The following PAX6 variants were observed in gnomAD, a reference collection of about 807,000 sequenced individuals.
PAX6 encodes paired box protein Pax-6.
In PAX6, 7 loss-of-function variants were observed where a neutral mutation model predicts 60.7. The ratio of observed to expected loss-of-function variants is 0.12; its 90% CI spans 0.07 to 0.22. The LOEUF (loss-of-function observed/expected upper bound fraction) is 0.22, where lower values mean the gene tolerates loss of function less well. Ranked by LOEUF, PAX6 falls within the 10% of genes least tolerant of loss-of-function variation. PAX6 has a pLI of 1.00. For synonymous variants in PAX6, 208 were observed against 201.2 expected (o/e 1.03, Z -0.29); for missense variants, 355 against 555.2 (o/e 0.64, Z 3.62).
chr11:31,798,026 G>A (rs1952214911), intron 8 of PAX6, among the ~76,000 whole-genome samples: 1 of 152,018 alleles, frequency 6.6e-6, no homozygotes, highest in Admixed American at 6.6e-5. Flanking sequence ...GAGTTGCTGG[G>A]AAATAAAATC....
At chr11:31,806,542 G>T (rs1184907753) in intron 3 of PAX6, 80 bp from the exon 4 acceptor site, 8 of 1,075,664 alleles carry the variant, frequency 7.4e-6, no homozygotes, top group Middle Eastern at 2.0e-4. Flanking sequence ...TGGACCTGGG[G>T]CTAGGACAGG....
At chr11:31,793,006 TA>T (rs1950376685) in intron 12 of PAX6, 2 of 512,670 alleles carry the variant, frequency 3.9e-6, no homozygotes, top group East Asian at 6.6e-5. Flanking sequence ...ATACCCAAAG[TA>T]ATGCCCCAAA....
chr11:31,802,585 T>C (rs1010587130), intron 5 of PAX6, 119 bp downstream of exon 5: 4 of 902,738 alleles, frequency 4.4e-6, no homozygotes, highest in Non-Finnish European at 6.0e-6. Flanking sequence ...GACTGGGGAC[T>C]GGGGTGGGTG....
chr11:31,801,274 T>C (rs1714862358), intron 7 of PAX6: 2 of 1,394,248 alleles, frequency 1.4e-6, no homozygotes, highest in Non-Finnish European at 1.9e-6. Flanking sequence ...AGTTACAATC[T>C]GGTTCTCATT....
In PAX6 at chr11:31,789,800, G is replaced by A; in HGVS notation, c.*134C>T. 1.2e-6 allele frequency: 1 copy of A among 806,136 alleles called. No homozygotes were observed. The highest frequency in any genetic ancestry group is 2.1e-6 in the Non-Finnish European group (1 of 470,156). 49.9% of individuals were successfully genotyped at this position (806,136 alleles called of 1,614,324 possible). On this transcript the variant is annotated 3_prime_UTR_variant, in exon 14 of 14. Transcript: ENST00000640368. Reference sequence around the variant, plus strand: ...ATTCCTTCCCCAGTGGTACAATACAGGACACAATTGTAGAACTGAAGCGGC... The same window carrying A: ...ATTCCTTCCCCAGTGGTACAATACAAGACACAATTGTAGAACTGAAGCGGC...
At chr11:31,802,438 A>AT (rs920012549) in intron 5 of PAX6, 67 of 467,318 alleles carry the variant, frequency 1.4e-4, no homozygotes, top group Middle Eastern at 1.1e-3. Context: ...AAAGAGAAAG[A>AT]TTTTTTTAAA....
chr11:31,806,228 GC>G lies in PAX6; in HGVS notation c.10+173del, dbSNP rs1955759074. ...CAGTATCGAGAAGAGCCAAGCAAAC[GC>G]CCTCCCCTCCCGGGCTGCCGGGCGC... On this transcript the variant is annotated intron_variant, in intron 4 of 13. Coordinates refer to ENST00000640368, the MANE Select transcript of PAX6 (RefSeq NM_001368894.2). 9.9e-6 allele frequency: 6 copies of G among 605,362 alleles called. No homozygotes were observed. The South Asian group carries it at 1.2e-4, about 12-fold the overall frequency. The allele number at this position is 605,362 out of a possible 1,614,324, so 37.5% of individuals were successfully genotyped here. A position where few individuals can be genotyped will look rare whatever the true frequency, so the allele number is the denominator to read the frequency against.
At chr11:31,813,645 T>C (rs544213392), upstream of PAX6, among the ~76,000 whole-genome samples, 420 of 152,148 alleles carry the variant, frequency 2.8e-3, no homozygotes, top group Non-Finnish European at 4.5e-3. Context: ...TGAATGCCAC[T>C]GACGTCATTG....
intron 2 of PAX6, 148 bp downstream of exon 2, chr11:31,810,680 C>T: frequency 2.5e-6 from 1 of 397,008 alleles, no homozygotes; most frequent in Non-Finnish European, 4.4e-6. Flanking sequence ...AGTTTGGGCT[C>T]CTGCGTGGAA....
At chr11:31,796,533 G>C (rs955055948) in intron 8 of PAX6, among the ~76,000 whole-genome samples, 4 of 148,630 alleles carry the variant, frequency 2.7e-5, no homozygotes, top group Admixed American at 6.7e-5. Context: ...AGAGTGGACG[G>C]GGACCAGGGC....
At position 31,794,778 on chromosome 11, in the gene PAX6, C is replaced by T. The variant is rs1249042142; in HGVS notation, c.576G>A (p.Gln192=). The change falls in exon 9 of 14, where the codon CAG becomes CAA. Residue 192 remains glutamine (Q), a synonymous_variant. Coordinates refer to ENST00000640368, the MANE Select transcript of PAX6 (RefSeq NM_001368894.2). Reference sequence around the variant, plus strand: ...TATTCTCTCCCCCTCCTTCCTGTTGCTGGCAGCCATCTGGAACAAAAAGAA... The same window carrying T: ...TATTCTCTCCCCCTCCTTCCTGTTGTTGGCAGCCATCTGGAACAAAAAGAA... ...VPGQPTQDGC[Q]QQEGGGENTN... is the part of the protein sequence containing the mutation. 6.2e-7 allele frequency: 1 copy of T among 1,614,014 alleles called. No individual in the cohort carries two copies. Among genetic ancestry groups the T allele is most frequent in the Non-Finnish European group, 8.5e-7 (1 of 1,180,014 alleles).
At chr11:31,801,354 A>G (rs1953779543) in intron 7 of PAX6, 5 of 1,465,236 alleles carry the variant, frequency 3.4e-6, no homozygotes, top group Non-Finnish European at 3.6e-6. Context: ...AATGAAGTGA[A>G]TGACTCCCCA....
intron 4 of PAX6, chr11:31,804,817 C>T (rs1230333153): frequency 6.6e-6 from 1 of 152,268 alleles, no homozygotes; most frequent in African/African-American, 2.4e-5. Flanking sequence ...ATCTAGACCT[C>T]CCTCCTCACT....
At chr11:31,793,619 A>G in intron 11 of PAX6, 33 bp downstream of exon 11, 1 of 1,614,026 alleles carries the variant, frequency 6.2e-7, no homozygotes, top group South Asian at 1.1e-5. Flanking sequence ...AGGTTTAAAG[A>G]CATTGATTCG....
chr11:31,789,217 T>C lies in PAX6; in HGVS notation c.*717A>G, dbSNP rs1043181347. On this transcript the variant is annotated 3_prime_UTR_variant, in exon 14 of 14. Transcript: ENST00000640368. ...TGTCAAATATAAATGAAATTAACTT[T>C]ATTATAGAAATCATTCTGAGGATTT... 4.8e-6 allele frequency: 1 copy of C among 209,458 alleles called. No homozygotes were observed. Among genetic ancestry groups the C allele is most frequent in the Non-Finnish European group, 9.7e-6 (1 of 102,914 alleles). The allele number at this position is 209,458 out of a possible 1,614,324, so 13.0% of individuals were successfully genotyped here. A position where few individuals can be genotyped will look rare whatever the true frequency, so the allele number is the denominator to read the frequency against.
In PAX6 at chr11:31,789,324, T is replaced by A. The variant is rs1949044892; in HGVS notation, c.*610A>T. 1 of 246,778 alleles carries A rather than the reference T, an allele frequency of 4.1e-6. No homozygotes were observed. Among genetic ancestry groups the A allele is most frequent in the African/African-American group, 2.2e-5 (1 of 45,662 alleles). The allele number at this position is 246,778 out of a possible 1,614,324, so 15.3% of individuals were successfully genotyped here. ...CACACTCTACCTTTTAGCTATCAACTTTTTTTCTTCCTTGAATTTATATCT... is the reference window on the plus strand; with the variant it reads ...CACACTCTACCTTTTAGCTATCAACATTTTTTCTTCCTTGAATTTATATCT... On this transcript the variant is annotated 3_prime_UTR_variant, in exon 14 of 14. Coordinates refer to ENST00000640368, the MANE Select transcript of PAX6 (RefSeq NM_001368894.2).
chr11:31,794,007 G>C, intron 10 of PAX6, 25 bp downstream of exon 10: 1 of 1,511,704 alleles, frequency 6.6e-7, no homozygotes. Flanking sequence ...ATCACAAAGT[G>C]TGAAACTGCA....
At chr11:31,802,967 A>T (rs1031661192) in intron 4 of PAX6, 133 bp from the exon 5 acceptor site, 27 of 925,184 alleles carry the variant, frequency 2.9e-5, no homozygotes, top group Admixed American at 6.0e-5. Flanking sequence ...GGGGAAGAGG[A>T]AGAAGGAGAG....
intron 12 of PAX6, 166 bp from the exon 13 acceptor site, chr11:31,791,026 T>G: frequency 1.2e-6 from 1 of 806,572 alleles, no homozygotes; most frequent in Non-Finnish European, 2.1e-6. Flanking sequence ...GGCCTCGAGC[T>G]AGTCCTTCCA....
Sources: allele counts gnomAD v4.1 joint callset (sites outside exome capture counted in the v4.1 genomes callset), GRCh38; gene constraint gnomAD v4.1.1; transcripts MANE v1.5; gene names NCBI Gene and HGNC (gene_info 2026-07-23, HGNC 2026-07-21).